The following NDST4 variants were observed in gnomAD, a reference collection of about 807,000 sequenced individuals.
The protein encoded by NDST4 is N-deacetylase and N-sulfotransferase 4, also known as N-heparan sulfate sulfotransferase 4.
NDST4 carries 63 observed loss-of-function variants against 100.8 expected under a neutral mutation model. The observed-to-expected ratio is 0.62, with a 90% CI of 0.51 to 0.77. The LOEUF (loss-of-function observed/expected upper bound fraction) is 0.77. Among genes scored for constraint, NDST4 ranks in the 30% least tolerant of loss-of-function variants. The pLI, the probability that NDST4 is intolerant of heterozygous loss-of-function variation, is 0.00. For missense variants in NDST4, 943 were observed against 1,018.4 expected (o/e 0.93, Z 1.01); for synonymous variants, 377 against 361.8 (o/e 1.04, Z -0.48).
chr4:114,997,567 C>T (rs1727191790), intron 2 of NDST4, among the ~76,000 whole-genome samples: 1 of 151,830 alleles, frequency 6.6e-6, no homozygotes, highest in African/African-American at 2.4e-5. Context: ...AAATATTACA[C>T]CCAAGAAAGC....
intron 2 of NDST4, among the ~76,000 whole-genome samples, chr4:115,014,509 G>T (rs1403164811): frequency 2.6e-5 from 4 of 152,068 alleles, no homozygotes; most frequent in Non-Finnish European, 5.9e-5. Flanking sequence ...CCTCACTGAT[G>T]TGTGTTACTC....
chr4:114,881,351 C>G (rs1724363044), intron 6 of NDST4, among the ~76,000 whole-genome samples: 1 of 151,842 alleles, frequency 6.6e-6, no homozygotes, highest in Non-Finnish European at 1.5e-5. Context: ...GATTTGACGT[C>G]AGGGATGGAA....
At chr4:114,978,883 C>T (rs759049643) in intron 2 of NDST4, among the ~76,000 whole-genome samples, 2 of 152,056 alleles carry the variant, frequency 1.3e-5, no homozygotes, top group Non-Finnish European at 2.9e-5. Context: ...TGGGGTACTT[C>T]TGAAAATTTA....
At chr4:115,036,384 A>G (rs1185767042) in intron 2 of NDST4, among the ~76,000 whole-genome samples, 1 of 150,266 alleles carries the variant, frequency 6.7e-6, no homozygotes, top group Non-Finnish European at 1.5e-5. Flanking sequence ...TATAAACTAT[A>G]TATTTATATA....
At chr4:114,856,281 C>G (rs1489967779) in intron 7 of NDST4, among the ~76,000 whole-genome samples, 1 of 152,084 alleles carries the variant, frequency 6.6e-6, no homozygotes, top group African/African-American at 2.4e-5. Flanking sequence ...TCAGGCTGGT[C>G]TGGAACTACT....
At chr4:114,985,051 A>T (rs1381914896) in intron 2 of NDST4, among the ~76,000 whole-genome samples, 3 of 152,226 alleles carry the variant, frequency 2.0e-5, no homozygotes, top group Non-Finnish European at 4.4e-5. Context: ...GGTTTAGCTC[A>T]GATTGTGAAA....
intron 6 of NDST4, among the ~76,000 whole-genome samples, chr4:114,905,542 T>C (rs1724932343): frequency 6.6e-6 from 1 of 151,938 alleles, no homozygotes; most frequent in Non-Finnish European, 1.5e-5. Flanking sequence ...TTTTCATGAC[T>C]TTGTTTTTGT....
At chr4:114,947,890 A>G (rs1405224397) in intron 4 of NDST4, among the ~76,000 whole-genome samples, 1 of 152,076 alleles carries the variant, frequency 6.6e-6, no homozygotes, top group African/African-American at 2.4e-5. Context: ...TGAAGCATTG[A>G]TTTCAATGGG....
intron 8 of NDST4, among the ~76,000 whole-genome samples, chr4:114,851,723 A>G (rs1017124557): frequency 2.6e-5 from 4 of 152,198 alleles, no homozygotes; most frequent in Admixed American, 1.3e-4. Flanking sequence ...CAACAACAAA[A>G]GTGATCTATC....
At chr4:115,095,443 T>G (rs1321731523) in intron 1 of NDST4, among the ~76,000 whole-genome samples, 1 of 152,158 alleles carries the variant, frequency 6.6e-6, no homozygotes, top group Non-Finnish European at 1.5e-5. Context: ...CTCAGAGCTC[T>G]CTGGTATATG....
intron 2 of NDST4, among the ~76,000 whole-genome samples, chr4:115,051,965 C>T (rs1251801211): frequency 1.3e-5 from 2 of 152,110 alleles, no homozygotes; most frequent in Middle Eastern, 3.4e-3. Flanking sequence ...GATTTTGATC[C>T]AAGCCATTTT....
At position 114,852,785 on chromosome 4, in the gene NDST4, A is replaced by G; in HGVS notation, c.1756T>C (p.Ser586Pro). The G allele has an allele frequency of 1.9e-6, 3 of 1,612,832 alleles. No homozygotes were observed. The highest frequency in any genetic ancestry group is 2.5e-6 in the Non-Finnish European group (3 of 1,179,350). Residue 586 changes from serine (S) to proline (P), a missense_variant, in exon 8 of 14, where the codon TCC (serine) becomes CCC (proline). By Grantham distance (74) the Ser-to-Pro change is moderately conservative (BLOSUM62 -1). Transcript: ENST00000264363. ...CDDKRHKDIWSREKTCDHLPK... is the reference protein window; with the variant it reads ...CDDKRHKDIWPREKTCDHLPK... ...AAGTGGTCACAAGTTTTCTCTCTGGACCAGATGTCTTTGTGTCGTTTATCA... is the reference window on the plus strand; with the variant it reads ...AAGTGGTCACAAGTTTTCTCTCTGGGCCAGATGTCTTTGTGTCGTTTATCA...
chr4:115,088,322 T>TA (rs1174370964), intron 1 of NDST4, among the ~76,000 whole-genome samples: 3 of 107,508 alleles, frequency 2.8e-5, no homozygotes, highest in African/African-American at 3.4e-5. Context: ...TAAAGTTAAT[T>TA]TTTTTTTTTT....
At chr4:114,918,227 A>C (rs1351882545) in intron 6 of NDST4, among the ~76,000 whole-genome samples, 1 of 152,022 alleles carries the variant, frequency 6.6e-6, no homozygotes, top group African/African-American at 2.4e-5. Flanking sequence ...TGGGCTCCTC[A>C]TGGCTAACTG....
In NDST4 at chr4:114,998,834, T is replaced by C. The variant is rs1385190846; in HGVS notation, c.979-21560A>G. Among the ~76,000 whole-genome samples, 6 of 152,064 alleles carry C rather than the reference T, an allele frequency of 3.9e-5. No individual in the cohort carries two copies. The East Asian group carries it at 7.7e-4, about 20-fold the overall frequency. On this transcript the variant is annotated intron_variant, in intron 2 of 13. Coordinates refer to ENST00000264363, the MANE Select transcript of NDST4 (RefSeq NM_022569.3). ...CTGGTAAATAAATTCCCTGTAGACC[T>C]TGGGCTTGAATTTGGCTTGCCCTTT...
Position 114,827,912 on chromosome 4 carries a change from G to A in NDST4, c.2523C>T (p.Tyr841=), listed in dbSNP as rs1477011733. The part of the protein sequence containing the change: ...DPESRTFLSN[Y]YRDHNVELSK... ...ATAGTTCCACATTATGATCTCGGTA[G>A]TAATTAGAGAGGAACGTTCTAGACT... Residue 841 remains tyrosine (Y), a synonymous_variant, in exon 14 of 14, where the codon TAC becomes TAT. Coordinates refer to ENST00000264363, the MANE Select transcript of NDST4 (RefSeq NM_022569.3). 1.2e-6 allele frequency: 2 copies of A among 1,608,118 alleles called. No individual in the cohort carries two copies. Among genetic ancestry groups the A allele is most frequent in the South Asian group, 2.2e-5 (2 of 89,212 alleles).
At chr4:114,871,639 AG>A (rs1724150553) in intron 6 of NDST4, among the ~76,000 whole-genome samples, 2 of 152,064 alleles carry the variant, frequency 1.3e-5, no homozygotes, top group South Asian at 4.1e-4. Context: ...TTAGTTCATT[AG>A]GCATTGCAGC....
intron 1 of NDST4, among the ~76,000 whole-genome samples, chr4:115,086,578 T>C (rs1178253564): frequency 2.0e-5 from 3 of 152,090 alleles, no homozygotes; most frequent in African/African-American, 7.2e-5. Flanking sequence ...TATTATATTG[T>C]AACATAATAT....
chr4:115,078,854 C>T (rs1729244176), intron 1 of NDST4, among the ~76,000 whole-genome samples: 1 of 151,542 alleles, frequency 6.6e-6, no homozygotes, highest in African/African-American at 2.4e-5. Flanking sequence ...CCACCAACCC[C>T]CGCCCAAAAA....
Sources: gnomAD v4.1 joint callset for allele counts (sites outside exome capture counted in the v4.1 genomes callset) on GRCh38, gnomAD v4.1.1 for gene constraint, MANE v1.5 for transcripts, NCBI Gene and HGNC (gene_info 2026-07-23, HGNC 2026-07-21) for gene names.